TMEM135: variants seen among roughly 807,000 people sequenced by gnomAD.
TMEM135 encodes transmembrane protein 135.
A neutral mutation model predicts 60.3 loss-of-function variants in TMEM135; 30 were observed. The ratio of observed to expected loss-of-function variants is 0.50; its 90% CI spans 0.37 to 0.68. The LOEUF is 0.68. Among genes scored for constraint, TMEM135 ranks in the 30% least tolerant of loss-of-function variants. TMEM135 has a pLI of 0.00. For synonymous variants in TMEM135, 190 were observed against 186.7 expected, an observed-to-expected ratio of 1.02 and a Z score of -0.14; for missense variants, 468 against 548.8, an observed-to-expected ratio of 0.85 and a Z score of 1.47.
At chr11:87,140,329 A>C (rs932366294) in intron 4 of TMEM135, among the ~76,000 whole-genome samples, 1 of 152,010 alleles carries the variant, frequency 6.6e-6, no homozygotes, top group African/African-American at 2.4e-5. Flanking sequence ...GGCCTCCCAA[A>C]GTGCTGGGAT....
At chr11:87,247,329 C>T (rs553469879) in intron 6 of TMEM135, among the ~76,000 whole-genome samples, 6 of 152,338 alleles carry the variant, frequency 3.9e-5, no homozygotes, top group East Asian at 1.9e-4. Flanking sequence ...AGGAGGCAGT[C>T]TGCCCGTTCT....
intron 5 of TMEM135, among the ~76,000 whole-genome samples, chr11:87,199,366 A>C (rs1940042225): frequency 6.6e-6 from 1 of 152,182 alleles, no homozygotes; most frequent in South Asian, 2.1e-4. Flanking sequence ...AAAACTAATC[A>C]AGTGCAGCTG....
At chr11:87,159,884 G>A (rs1454680138) in intron 5 of TMEM135, among the ~76,000 whole-genome samples, 2 of 152,010 alleles carry the variant, frequency 1.3e-5, no homozygotes, top group Non-Finnish European at 2.9e-5. Context: ...AAACTAAAAG[G>A]TTAATAATTT....
At chr11:87,216,112 A>G (rs1240171619) in intron 5 of TMEM135, among the ~76,000 whole-genome samples, 2 of 152,162 alleles carry the variant, frequency 1.3e-5, no homozygotes, top group Non-Finnish European at 2.9e-5. Context: ...GTATGTATGT[A>G]TAGGAAGAAA....
chr11:87,269,188 TC>T (rs1266207424), intron 6 of TMEM135, among the ~76,000 whole-genome samples: 2 of 151,176 alleles, frequency 1.3e-5, no homozygotes, highest in African/African-American at 4.8e-5. Flanking sequence ...GCTTAGAGTT[TC>T]CCCCCTACTA....
chr11:87,293,724 T>C (rs912610321), intron 6 of TMEM135, among the ~76,000 whole-genome samples: 11 of 152,240 alleles, frequency 7.2e-5, no homozygotes, highest in Non-Finnish European at 1.3e-4. Flanking sequence ...TATTCCATGG[T>C]GTATATGTAC....
chr11:87,167,650 G>C (rs1939094054), intron 5 of TMEM135, among the ~76,000 whole-genome samples: 1 of 152,174 alleles, frequency 6.6e-6, no homozygotes, highest in African/African-American at 2.4e-5. Flanking sequence ...GCATCCCAGG[G>C]ATGAAGCTGA....
chr11:87,200,203 A>C (rs894965562), intron 5 of TMEM135, among the ~76,000 whole-genome samples: 4 of 152,242 alleles, frequency 2.6e-5, no homozygotes, highest in African/African-American at 9.6e-5. Flanking sequence ...TTTAATAGGA[A>C]ATAGCTTACT....
intron 4 of TMEM135, among the ~76,000 whole-genome samples, chr11:87,141,738 G>GACAGAAAC (rs1938267728): frequency 6.6e-6 from 1 of 151,982 alleles, no homozygotes; most frequent in Non-Finnish European, 1.5e-5. Flanking sequence ...TTCCATAGCA[G>GACAGAAAC]TGTCTACCCT....
At chr11:87,144,408 G>T (rs1938349189) in intron 4 of TMEM135, among the ~76,000 whole-genome samples, 1 of 152,160 alleles carries the variant, frequency 6.6e-6, no homozygotes, top group Admixed American at 6.6e-5. Context: ...TTTGAAAGCA[G>T]CCATAGACAA....
At chr11:87,291,082 G>A (rs1402936898) in intron 6 of TMEM135, among the ~76,000 whole-genome samples, 1 of 152,044 alleles carries the variant, frequency 6.6e-6, no homozygotes, top group Non-Finnish European at 1.5e-5. Flanking sequence ...ATTATTTCCT[G>A]TATGATTGTA....
At chr11:87,140,359 G>T (rs371937124) in intron 4 of TMEM135, among the ~76,000 whole-genome samples, 1 of 152,262 alleles carries the variant, frequency 6.6e-6, no homozygotes, top group Non-Finnish European at 1.5e-5. Context: ...GAGCCACCAC[G>T]CCCAGCTGCT....
At chr11:87,151,401 G>A (rs1449337034) in intron 4 of TMEM135, among the ~76,000 whole-genome samples, 2 of 151,988 alleles carry the variant, frequency 1.3e-5, no homozygotes, top group African/African-American at 2.4e-5. Context: ...GGTTGCAGTG[G>A]ATGTGTTTTT....
At chr11:87,222,375 G>T (rs1369618933) in intron 5 of TMEM135, among the ~76,000 whole-genome samples, 1 of 145,990 alleles carries the variant, frequency 6.8e-6, no homozygotes, top group South Asian at 2.2e-4. Context: ...GCGGGCGCCT[G>T]TAGTCCCAGC....
chr11:87,283,916 C>T (rs911955195), intron 6 of TMEM135, among the ~76,000 whole-genome samples: 4 of 152,036 alleles, frequency 2.6e-5, no homozygotes, highest in African/African-American at 9.7e-5. Context: ...TAATTGAAAA[C>T]ATTTGTTTTC....
At chr11:87,303,005 C>A (rs1015815114) in intron 8 of TMEM135, among the ~76,000 whole-genome samples, 1 of 151,898 alleles carries the variant, frequency 6.6e-6, no homozygotes, top group African/African-American at 2.4e-5. Flanking sequence ...GATTATCAAC[C>A]AATAAAATCT....
At chr11:87,208,021 T>C (rs1940277593) in intron 5 of TMEM135, among the ~76,000 whole-genome samples, 1 of 152,044 alleles carries the variant, frequency 6.6e-6, no homozygotes, top group East Asian at 1.9e-4. Context: ...TATACCCAAC[T>C]TGTGCCACAG....
At chr11:87,071,319 G>T (rs1401917543) in intron 2 of TMEM135, among the ~76,000 whole-genome samples, 1 of 152,188 alleles carries the variant, frequency 6.6e-6, no homozygotes, top group East Asian at 1.9e-4. Flanking sequence ...GGTTGTTGAT[G>T]CTATTAACCT....
At chr11:87,093,553 TG>T (rs1423656924) in intron 4 of TMEM135, among the ~76,000 whole-genome samples, 1 of 151,788 alleles carries the variant, frequency 6.6e-6, no homozygotes, top group Non-Finnish European at 1.5e-5. Flanking sequence ...TTTTTTGAGA[TG>T]GAGTCTCGCT....
Sources: allele counts gnomAD v4.1 joint callset (sites outside exome capture counted in the v4.1 genomes callset), GRCh38; gene constraint gnomAD v4.1.1; transcripts MANE v1.5; gene names NCBI Gene and HGNC (gene_info 2026-07-23, HGNC 2026-07-21).